SCAPER: variants seen among roughly 807,000 people sequenced by gnomAD.
The protein encoded by SCAPER is S phase cyclin A-associated protein in the endoplasmic reticulum.
SCAPER carries 98 observed loss-of-function variants against 182.2 expected under a neutral mutation model. That is an observed-to-expected ratio of 0.54 (90% CI 0.46 to 0.64). The LOEUF is 0.64. Among genes scored for constraint, SCAPER ranks in the 30% least tolerant of loss-of-function variants. The pLI, the probability that SCAPER is intolerant of heterozygous loss-of-function variation, is 0.00. For synonymous variants in SCAPER, 605 were observed against 564.6 expected (o/e 1.07, Z -1.01); for missense variants, 1,432 against 1,690.0 (o/e 0.85, Z 2.68).
chr15:76,699,301 T>C (rs1251627110), intron 20 of SCAPER, among the ~76,000 whole-genome samples: 1 of 152,190 alleles, frequency 6.6e-6, no homozygotes, highest in Non-Finnish European at 1.5e-5. Context: ...AGTACTATGT[T>C]GAATAGGAGT....
chr15:76,497,107 C>CTCTTTTTTTT (rs2040623890), intron 24 of SCAPER, among the ~76,000 whole-genome samples: 1 of 8,622 alleles, frequency 1.2e-4, no homozygotes, highest in Non-Finnish European at 4.1e-4. Context: ...TTTTGGTCTC[C>CTCTTTTTTTT]TCTTTTTTTT....
chr15:76,856,455 TA>T (rs1367449824), intron 4 of SCAPER, among the ~76,000 whole-genome samples: 3 of 151,270 alleles, frequency 2.0e-5, no homozygotes, highest in Non-Finnish European at 2.9e-5. Flanking sequence ...TATATACATG[TA>T]TATGTGTATA....
rs2062093885 is a variant in SCAPER at position 76,751,713 on chromosome 15, A to T, written c.1866+2095T>A. On this transcript the variant is annotated intron_variant, in intron 15 of 31. Coordinates refer to ENST00000563290, the MANE Select transcript of SCAPER (RefSeq NM_020843.4). ...AAGCTAAACCTTTACCTAACACCAC[A>T]TACTGAAATTAACTCGAAATGGATC... 2.0e-5 allele frequency among the ~76,000 whole-genome samples: 3 copies of T among 151,864 alleles called. No individual in the cohort carries two copies. The East Asian group carries it at 5.8e-4, about 29-fold the overall frequency.
intron 2 of SCAPER, among the ~76,000 whole-genome samples, chr15:76,873,086 C>CAAAA (rs1212539502): frequency 3.5e-5 from 2 of 57,606 alleles, no homozygotes; most frequent in African/African-American, 1.3e-4. Context: ...CTTGTCTCTA[C>CAAAA]AAAAAAAAAA....
chr15:76,806,050 T>A (rs2066139490), intron 5 of SCAPER, among the ~76,000 whole-genome samples: 1 of 152,228 alleles, frequency 6.6e-6, no homozygotes, highest in Non-Finnish European at 1.5e-5. Context: ...TTTGATAGTA[T>A]CCTTTGACAC....
intron 25 of SCAPER, among the ~76,000 whole-genome samples, chr15:76,438,495 A>G (rs1945425502): frequency 6.6e-6 from 1 of 152,208 alleles, no homozygotes; most frequent in African/African-American, 2.4e-5. Context: ...CTGACCGGCA[A>G]CTTTTGATTT....
intron 27 of SCAPER, among the ~76,000 whole-genome samples, chr15:76,384,291 A>G (rs910227617): frequency 6.6e-6 from 1 of 152,044 alleles, no homozygotes; most frequent in African/African-American, 2.4e-5. Flanking sequence ...CTTTCCCTTT[A>G]CTCTTGTGTT....
chr15:76,683,196 T>C (rs2057832884), intron 20 of SCAPER, among the ~76,000 whole-genome samples: 1 of 151,892 alleles, frequency 6.6e-6, no homozygotes, highest in Non-Finnish European at 1.5e-5. Context: ...GAAACACTCA[T>C]TTTATGAAAA....
chr15:76,454,849 C>CT (rs898158433), intron 25 of SCAPER, among the ~76,000 whole-genome samples: 53 of 145,732 alleles, frequency 3.6e-4, no homozygotes, highest in South Asian at 1.3e-3. Flanking sequence ...AGGCCTGGTG[C>CT]TTTTTTTTTT....
intron 22 of SCAPER, among the ~76,000 whole-genome samples, chr15:76,596,863 G>A (rs2049544980): frequency 8.2e-6 from 1 of 121,314 alleles, no homozygotes; most frequent in Admixed American, 9.4e-5. Context: ...ATACTGAATG[G>A]GCAAAAGCTG....
intron 25 of SCAPER, among the ~76,000 whole-genome samples, chr15:76,454,420 CATTTA>C (rs916579775): frequency 1.3e-5 from 2 of 152,130 alleles, no homozygotes; most frequent in African/African-American, 4.8e-5. Context: ...AATATCAATA[CATTTA>C]ATTTATTTTT....
chr15:76,430,040 C>T (rs2046760490), intron 26 of SCAPER, among the ~76,000 whole-genome samples: 1 of 152,208 alleles, frequency 6.6e-6, no homozygotes, highest in Admixed American at 6.5e-5. Flanking sequence ...GGCCAAGATA[C>T]AGCTTGGGCT....
At chr15:76,711,286 T>G (rs997174322) in intron 17 of SCAPER, among the ~76,000 whole-genome samples, 3 of 152,134 alleles carry the variant, frequency 2.0e-5, no homozygotes, top group Non-Finnish European at 4.4e-5. Flanking sequence ...AGTCATACAC[T>G]TCACAAAGAA....
At chr15:76,672,422 C>T (rs1005660113) in intron 20 of SCAPER, among the ~76,000 whole-genome samples, 1 of 152,046 alleles carries the variant, frequency 6.6e-6, no homozygotes, top group Non-Finnish European at 1.5e-5. Flanking sequence ...ATGCACAGGT[C>T]AAAATGTAAC....
At chr15:76,583,669 G>A (rs2048428743) in intron 22 of SCAPER, among the ~76,000 whole-genome samples, 1 of 152,110 alleles carries the variant, frequency 6.6e-6, no homozygotes, top group African/African-American at 2.4e-5. Context: ...TATATGAAAA[G>A]GTGCTCAACA....
chr15:76,693,111 A>G (rs995410349), intron 20 of SCAPER, among the ~76,000 whole-genome samples: 1 of 152,186 alleles, frequency 6.6e-6, no homozygotes, highest in Non-Finnish European at 1.5e-5. Flanking sequence ...CATTACAGTT[A>G]CAGGTAAAAC....
At chr15:76,588,600 G>A (rs1211190759) in intron 22 of SCAPER, among the ~76,000 whole-genome samples, 1 of 152,164 alleles carries the variant, frequency 6.6e-6, no homozygotes, top group Non-Finnish European at 1.5e-5. Context: ...CATTCAACGT[G>A]AGTATTGAGA....
intron 5 of SCAPER, among the ~76,000 whole-genome samples, chr15:76,818,607 T>G (rs2067268678): frequency 6.6e-6 from 1 of 151,790 alleles, no homozygotes; most frequent in Admixed American, 6.6e-5. Context: ...ATAAGGGGGG[T>G]GGAGCCAAGA....
At chr15:76,708,273 T>C (rs1304079328) in intron 17 of SCAPER, among the ~76,000 whole-genome samples, 1 of 152,176 alleles carries the variant, frequency 6.6e-6, no homozygotes, top group African/African-American at 2.4e-5. Flanking sequence ...TTTGGGGTTG[T>C]CTTCCCGAAT....
Sources: gnomAD v4.1 joint callset for allele counts (sites outside exome capture counted in the v4.1 genomes callset) on GRCh38, gnomAD v4.1.1 for gene constraint, MANE v1.5 for transcripts, NCBI Gene and HGNC (gene_info 2026-07-23, HGNC 2026-07-21) for gene names.